DMD: variants seen among roughly 807,000 people sequenced by gnomAD.
DMD encodes the protein dystrophin, also known as mutant dystrophin.
Under a neutral mutation model 330.1 loss-of-function variants are expected in DMD, and 63 were observed. The ratio of observed to expected loss-of-function variants is 0.19; its 90% CI spans 0.16 to 0.24. The LOEUF is 0.24. DMD is among the 10% of genes least tolerant of loss of function. DMD has a pLI of 1.00. For synonymous variants in DMD, 1,223 were observed against 959.8 expected (o/e 1.27, Z -5.07); for missense variants, 3,344 against 2,684.1 (o/e 1.25, Z -5.43).
At chrX:31,951,159 G>GTATATATATATATATGTATGTATA (rs2095170324) in intron 45 of DMD, among the ~76,000 whole-genome samples, 1 of 71,702 alleles carries the variant, frequency 1.4e-5, no homozygotes, top group African/African-American at 5.6e-5. Flanking sequence ...ATATATATAT[G>GTATATATATATATATGTATGTATA]TATATATATA....
intron 9 of DMD, among the ~76,000 whole-genome samples, chrX:32,669,574 T>C (rs1003723871): frequency 8.9e-6 from 1 of 111,861 alleles, no homozygotes; most frequent in Non-Finnish European, 1.9e-5. Flanking sequence ...TACTCTGTTA[T>C]CTCTCTCCAC....
chrX:31,784,161 T>C (rs367683192), intron 50 of DMD, among the ~76,000 whole-genome samples: 1 of 112,297 alleles, frequency 8.9e-6, no homozygotes, highest in East Asian at 2.8e-4. Context: ...ACAATTAACC[T>C]GATTTTAAAA....
chrX:31,321,582 T>TAAAAAAA (rs1271421235), intron 62 of DMD, among the ~76,000 whole-genome samples: 1 of 11,511 alleles, frequency 8.7e-5, no homozygotes, highest in African/African-American at 7.7e-4. Flanking sequence ...AAACTCCATC[T>TAAAAAAA]CAAAAAAAAA....
intron 63 of DMD, among the ~76,000 whole-genome samples, chrX:31,228,275 T>TAAAAAAAAAA (rs779738772): frequency 1.2e-5 from 1 of 83,999 alleles, no homozygotes; most frequent in Non-Finnish European, 2.4e-5. Context: ...AATAAAAAAA[T>TAAAAAAAAAA]AAAAAAAAAA....
chrX:33,109,425 T>C (rs1408002855), intron 1 of DMD, among the ~76,000 whole-genome samples: 1 of 112,158 alleles, frequency 8.9e-6, no homozygotes, highest in Non-Finnish European at 1.9e-5. Context: ...CTTTAAATCA[T>C]AGTTGTTTTT....
Position 32,464,718 on chromosome X carries a change from T to C in DMD, c.3163-19A>G, listed in dbSNP as rs748330691. The C allele has an allele frequency of 1.2e-5, 13 of 1,069,437 alleles. No homozygotes were observed. The highest frequency in any genetic ancestry group is 7.4e-5 in the South Asian group (4 of 53,731). 88.1% of individuals were successfully genotyped at this position (1,069,437 alleles called of 1,213,427 possible). On this transcript the variant is annotated intron_variant, in intron 23 of 78. Transcript: ENST00000357033. ...TGTGATTCTGAAACGAGACCCGTTA[T>C]AAGGCATTACTGGTGTGCTGATTAC...
At position 32,402,118 on chromosome X, in the gene DMD, G is replaced by A. The variant is rs762003022; in HGVS notation, c.4233+9634C>T. Among the ~76,000 whole-genome samples the A allele has an allele frequency of 1.8e-3, 200 of 111,600 alleles. 1 individual carries two copies. Among genetic ancestry groups the A allele is most frequent in the African/African-American group, 6.2e-3 (191 of 30,850 alleles). On this transcript the variant is annotated intron_variant, in intron 30 of 78. Transcript: ENST00000357033. ...AGAATGTAAACAATGGGAACATTAT[G>A]ATATTACTATGTAAGATCTTGCGGA...
At chrX:32,599,390 C>A in intron 12 of DMD, among the ~76,000 whole-genome samples, 1 of 111,546 alleles carries the variant, frequency 9.0e-6, no homozygotes, top group Admixed American at 9.6e-5. Context: ...GTAAAGAATG[C>A]CTGCCTGTTT....
chrX:32,846,288 AC>A (rs1307869043), intron 3 of DMD, among the ~76,000 whole-genome samples: 4 of 111,581 alleles, frequency 3.6e-5, no homozygotes, highest in Non-Finnish European at 7.5e-5. Context: ...CAGGACCCAA[AC>A]TTTTGTCTGT....
chrX:32,033,325 G>T (rs2095901409), intron 44 of DMD, among the ~76,000 whole-genome samples: 1 of 110,489 alleles, frequency 9.1e-6, no homozygotes, highest in African/African-American at 3.3e-5. Flanking sequence ...TCTACCTAGA[G>T]TCAATAATAA....
At chrX:31,126,715 G>A in intron 77 of DMD, 42 bp from the exon 78 acceptor site, 5 of 1,048,942 alleles carry the variant, frequency 4.8e-6, no homozygotes, top group Non-Finnish European at 6.6e-6. Context: ...TATCAGAAAG[G>A]GAAAAAAAAC....
intron 54 of DMD, among the ~76,000 whole-genome samples, chrX:31,640,440 T>C (rs982725013): frequency 2.5e-4 from 28 of 112,622 alleles, no homozygotes; most frequent in African/African-American, 8.7e-4. Flanking sequence ...TTTTTTGTTA[T>C]GATTTTTTAT....
chrX:31,470,334 T>G (rs1407025776), intron 59 of DMD, among the ~76,000 whole-genome samples: 2 of 111,819 alleles, frequency 1.8e-5, no homozygotes, highest in Non-Finnish European at 3.8e-5. Flanking sequence ...TCTTTGATGT[T>G]GGTGACCTTC....
intron 43 of DMD, among the ~76,000 whole-genome samples, chrX:32,227,873 A>G (rs112573149): frequency 0.096 from 10,603 of 110,979 alleles, 526 homozygotes; most frequent in Admixed American, 0.15. Flanking sequence ...TTAAATCTCT[A>G]GACAGGCAGA....
At chrX:31,613,079 A>G (rs1458524109) in intron 55 of DMD, among the ~76,000 whole-genome samples, 1 of 112,015 alleles carries the variant, frequency 8.9e-6, no homozygotes, top group Admixed American at 9.4e-5. Flanking sequence ...TGGGATAATG[A>G]CTACTTGCTG....
At chrX:32,843,952 A>C (rs2080398423) in intron 4 of DMD, among the ~76,000 whole-genome samples, 1 of 112,496 alleles carries the variant, frequency 8.9e-6, no homozygotes. Context: ...TCATACCCCA[A>C]GTAAAAATAG....
At chrX:32,132,993 C>CTTTTCTTTTTTTTTTT (rs2096705124) in intron 44 of DMD, among the ~76,000 whole-genome samples, 17 of 75,969 alleles carry the variant, frequency 2.2e-4, no homozygotes, top group African/African-American at 1.1e-3. Context: ...CTTTTCTTTT[C>CTTTTCTTTTTTTTTTT]TTTTTTTTTT....
chrX:32,693,823 A>T (rs1413305158), intron 9 of DMD, among the ~76,000 whole-genome samples: 1 of 111,302 alleles, frequency 9.0e-6, no homozygotes, highest in Non-Finnish European at 1.9e-5. Flanking sequence ...AATCAGCAAC[A>T]CCTCCAAATA....
At chrX:33,146,528 T>A (rs990952241) in intron 1 of DMD, among the ~76,000 whole-genome samples, 1 of 111,448 alleles carries the variant, frequency 9.0e-6, no homozygotes, top group African/African-American at 3.3e-5. Context: ...TTTCTACAGA[T>A]GCAAATGGAA....
Sources: allele counts gnomAD v4.1 joint callset (sites outside exome capture counted in the v4.1 genomes callset), GRCh38; gene constraint gnomAD v4.1.1; transcripts MANE v1.5; gene names NCBI Gene and HGNC (gene_info 2026-07-23, HGNC 2026-07-21).